Variants in PDE3B observed in about 807,000 individuals in gnomAD.
PDE3B encodes the protein phosphodiesterase 3B.
PDE3B carries 66 observed loss-of-function variants against 116.8 expected under a neutral mutation model. The ratio of observed to expected loss-of-function variants is 0.56; its 90% CI spans 0.46 to 0.69. The LOEUF (loss-of-function observed/expected upper bound fraction) is 0.69. Among genes scored for constraint, PDE3B ranks in the 30% least tolerant of loss-of-function variants. PDE3B has a pLI of 0.00. For synonymous variants in PDE3B, 595 were observed against 533.6 expected, an observed-to-expected ratio of 1.12 and a Z score of -1.59; for missense variants, 1,384 against 1,368.1, an observed-to-expected ratio of 1.01 and a Z score of -0.18.
At chr11:14,787,782 C>G (rs990469043) in intron 3 of PDE3B, among the ~76,000 whole-genome samples, 12 of 151,772 alleles carry the variant, frequency 7.9e-5, no homozygotes, top group African/African-American at 2.9e-4. Flanking sequence ...GAGGGCATAG[C>G]AATAAACCAT....
chr11:14,804,727 T>A (rs771550167), intron 5 of PDE3B, among the ~76,000 whole-genome samples: 3 of 152,100 alleles, frequency 2.0e-5, no homozygotes, highest in Non-Finnish European at 4.4e-5. Context: ...TATATGATAT[T>A]GATGCTGTAT....
chr11:14,878,339 A>G, the PDE3B span: 2 of 1,580,746 alleles, frequency 1.3e-6, no homozygotes, highest in Non-Finnish European at 1.7e-6. Flanking sequence ...TAAACCCACA[A>G]TCTTTACCAA....
chr11:14,793,166 T>C (rs1382338092), intron 4 of PDE3B, among the ~76,000 whole-genome samples: 1 of 152,104 alleles, frequency 6.6e-6, no homozygotes, highest in Non-Finnish European at 1.5e-5. Context: ...GGAAAGGTTG[T>C]TTTCTGGATT....
intron 1 of PDE3B, among the ~76,000 whole-genome samples, chr11:14,667,185 C>G (rs977887465): frequency 4.8e-5 from 7 of 147,128 alleles, no homozygotes; most frequent in African/African-American, 1.8e-4. Context: ...ATCGCAAGGA[C>G]AAAAAACCAA....
At chr11:14,844,129 T>C (rs1446633854) in intron 12 of PDE3B, 103 bp downstream of exon 12, 6 of 809,568 alleles carry the variant, frequency 7.4e-6, no homozygotes, top group Middle Eastern at 5.7e-4. Flanking sequence ...GTCCAATCCA[T>C]CTGACTTTAA....
At chr11:14,715,956 C>T (rs1170687165) in intron 1 of PDE3B, among the ~76,000 whole-genome samples, 2 of 152,202 alleles carry the variant, frequency 1.3e-5, no homozygotes. Context: ...TCTACAGCTC[C>T]CAGCGTGAGC....
chr11:14,825,344 A>G (rs1304698636), intron 7 of PDE3B, among the ~76,000 whole-genome samples: 1 of 152,118 alleles, frequency 6.6e-6, no homozygotes, highest in Non-Finnish European at 1.5e-5. Context: ...AGAGTGGCAA[A>G]CTGGATTTTA....
chr11:14,895,841 T>A, the PDE3B span, among the ~76,000 whole-genome samples: 1 of 152,216 alleles, frequency 6.6e-6, no homozygotes, highest in Non-Finnish European at 1.5e-5. Context: ...AAAACGCTTA[T>A]ACATGAATGA....
chr11:14,798,700 A>AT (rs1858638666), intron 4 of PDE3B, among the ~76,000 whole-genome samples: 3 of 151,864 alleles, frequency 2.0e-5, no homozygotes, highest in Admixed American at 1.3e-4. Context: ...TTTCTTCTAG[A>AT]TTTTTTAGTT....
At chr11:14,776,975 A>G (rs1032523385) in intron 2 of PDE3B, among the ~76,000 whole-genome samples, 4 of 152,218 alleles carry the variant, frequency 2.6e-5, no homozygotes, top group Admixed American at 6.5e-5. Context: ...TAAAGCAAAC[A>G]TCATAAAAAT....
At chr11:14,848,381 C>T (rs1432264632) in intron 12 of PDE3B, among the ~76,000 whole-genome samples, 1 of 146,668 alleles carries the variant, frequency 6.8e-6, no homozygotes, top group Admixed American at 6.9e-5. Context: ...CAGCCAATAT[C>T]ATACTGAATG....
At chr11:14,854,331 A>G (rs1345307959) in intron 12 of PDE3B, among the ~76,000 whole-genome samples, 1 of 152,172 alleles carries the variant, frequency 6.6e-6, no homozygotes, top group Non-Finnish European at 1.5e-5. Flanking sequence ...TGGAGTGGGT[A>G]TTAGTAGTCT....
intron 1 of PDE3B, among the ~76,000 whole-genome samples, chr11:14,755,491 C>G (rs1053192630): frequency 6.6e-6 from 1 of 152,034 alleles, no homozygotes; most frequent in Admixed American, 6.6e-5. Flanking sequence ...AAATAACGTG[C>G]CTGTGGACTG....
Position 14,796,513 on chromosome 11 carries a change from C to T in PDE3B, c.1415+7271C>T, listed in dbSNP as rs181647109. Among the ~76,000 whole-genome samples, 13 of 152,336 alleles carry T rather than the reference C, an allele frequency of 8.5e-5. No homozygotes were observed. The East Asian group carries it at 1.5e-3, about 18-fold the overall frequency. On this transcript the variant is annotated intron_variant, in intron 4 of 15. Coordinates refer to ENST00000282096, the MANE Select transcript of PDE3B (RefSeq NM_000922.4). ...GTGTAAAAGTATTCTTATTTCTCCACATCCTCTGCAGCATCTGTTGTTTCC... is the reference window on the plus strand; with the variant it reads ...GTGTAAAAGTATTCTTATTTCTCCATATCCTCTGCAGCATCTGTTGTTTCC...
In PDE3B at chr11:14,869,847, C is replaced by G. The variant is rs572560135; in HGVS notation, c.*187C>G. The G allele has an allele frequency of 9.4e-6, 5 of 531,398 alleles. No homozygotes were observed. In the South Asian group the frequency reaches 1.5e-4, roughly 16 times the overall value. The allele number at this position is 531,398 out of a possible 1,614,324, so 32.9% of individuals were successfully genotyped here. On this transcript the variant is annotated 3_prime_UTR_variant, in exon 16 of 16. Coordinates refer to ENST00000282096, the MANE Select transcript of PDE3B (RefSeq NM_000922.4). ...CCACTCCTATGCACTTTCACAGGAA[C>G]TAGAAAACTATTCTTAAACCAAAAA...
chr11:14,850,981 A>ATTTTT (rs143254814), intron 12 of PDE3B, among the ~76,000 whole-genome samples: 2 of 103,396 alleles, frequency 1.9e-5, no homozygotes, highest in Admixed American at 1.0e-4. Flanking sequence ...ACACCCAGCT[A>ATTTTT]TTTTTTTTTT....
chr11:14,809,125 T>C (rs1859044467), intron 5 of PDE3B, among the ~76,000 whole-genome samples: 1 of 152,176 alleles, frequency 6.6e-6, no homozygotes, highest in Admixed American at 6.5e-5. Flanking sequence ...GCTACAGTAA[T>C]TTAGTATGGT....
At chr11:14,884,866 TC>T in the PDE3B span, among the ~76,000 whole-genome samples, 2 of 152,230 alleles carry the variant, frequency 1.3e-5, no homozygotes, top group African/African-American at 2.4e-5. Flanking sequence ...ATTTTCATCA[TC>T]TTTTTAAAGG....
intron 1 of PDE3B, among the ~76,000 whole-genome samples, chr11:14,759,336 A>T (rs1271369134): frequency 2.6e-5 from 4 of 152,108 alleles, no homozygotes; most frequent in Admixed American, 6.6e-5. Context: ...ATAGTTTCAG[A>T]AGGAATGGTA....
Sources: allele counts gnomAD v4.1 joint callset (sites outside exome capture counted in the v4.1 genomes callset), GRCh38; gene constraint gnomAD v4.1.1; transcripts MANE v1.5; gene names NCBI Gene and HGNC (gene_info 2026-07-23, HGNC 2026-07-21).